AFMID: variants seen among roughly 807,000 people sequenced by gnomAD.
AFMID encodes kynurenine formamidase.
AFMID carries 39 observed loss-of-function variants against 47.5 expected under a neutral mutation model. The ratio of observed to expected loss-of-function variants is 0.82; its 90% CI spans 0.64 to 1.07. The LOEUF (loss-of-function observed/expected upper bound fraction) is 1.07, where lower values mean the gene tolerates loss of function less well. Among genes scored for constraint, AFMID ranks in the 50% least tolerant of loss-of-function variants. The pLI is 0.00. For synonymous variants in AFMID, 130 were observed against 153.2 expected (o/e 0.85, Z 1.12); for missense variants, 375 against 387.5 (o/e 0.97, Z 0.27).
Position 78,193,080 on chromosome 17 carries a change from A to G in AFMID, c.154+2020A>G, listed in dbSNP as rs75097222. On this transcript the variant is annotated intron_variant, in intron 2 of 10. Coordinates refer to ENST00000409257, the MANE Select transcript of AFMID (RefSeq NM_001010982.5). ...ACATGAGTGTGGTGAAACATACAAG[A>G]GCTGTAAGCAGCCAGGCGTGGTGGC... 9.2e-5 allele frequency among the ~76,000 whole-genome samples: 14 copies of G among 152,180 alleles called. No individual in the cohort carries two copies. In the East Asian group the frequency reaches 2.7e-3, roughly 29 times the overall value.
chr17:78,200,247 C>T (rs550681085), intron 2 of AFMID, among the ~76,000 whole-genome samples: 416 of 152,190 alleles, frequency 2.7e-3, no homozygotes, highest in African/African-American at 9.4e-3. Context: ...CCTCTGCCTC[C>T]GGGTTCAAGC....
intron 10 of AFMID, 81 bp from the exon 11 acceptor site, chr17:78,206,830 C>A: frequency 6.5e-7 from 1 of 1,528,138 alleles, no homozygotes; most frequent in Non-Finnish European, 9.1e-7. Flanking sequence ...CTGCATCCAG[C>A]CCTGTCTCAT....
rs767326366 is a variant in AFMID at position 78,204,635 on chromosome 17, C to T, written c.309-21C>T. The T allele has an allele frequency of 2.7e-5, 44 of 1,613,764 alleles. No individual in the cohort carries two copies. The East Asian group carries it at 9.6e-4, about 35-fold the overall frequency. On this transcript the variant is annotated intron_variant, in intron 4 of 10. Transcript: ENST00000409257. ...TAGTGGCCAAGCTGCCTCCAGCTGTCACATCTGTGTGTCTCTGCAGTAAGG... is the reference window on the plus strand; with the variant it reads ...TAGTGGCCAAGCTGCCTCCAGCTGTTACATCTGTGTGTCTCTGCAGTAAGG...
Position 78,206,044 on chromosome 17 carries a change from C to T in AFMID, c.879C>T (p.Leu293=), listed in dbSNP as rs746871737. The T allele has an allele frequency of 2.2e-5, 35 of 1,613,956 alleles. No homozygotes were observed. In the Middle Eastern group the frequency reaches 4.9e-4, roughly 23 times the overall value. The change falls in exon 10 of 11, where the codon CTC becomes CTT. Residue 293 remains leucine, a synonymous_variant. Transcript: ENST00000409257. ...ATCTGACCCAGAAGGACAACGTGCT[C>T]ACCCAGGTGGGGCCTCATCCCTGGC... is the stretch of plus-strand genomic sequence containing the variant. ...VENLTQKDNV[L]TQIILKTIFQ
At chr17:78,192,946 C>T (rs2076010508) in intron 2 of AFMID, among the ~76,000 whole-genome samples, 1 of 152,152 alleles carries the variant, frequency 6.6e-6, no homozygotes, top group South Asian at 2.1e-4. Flanking sequence ...TCCAGCAATT[C>T]CACCATCCTC....
At chr17:78,206,616 A>G (rs1433127994) in intron 10 of AFMID, among the ~76,000 whole-genome samples, 1 of 140,976 alleles carries the variant, frequency 7.1e-6, no homozygotes, top group African/African-American at 2.8e-5. Context: ...TATGTTCCCC[A>G]GGCTGGTCGT....
At chr17:78,200,146 T>G (rs913489328) in intron 2 of AFMID, among the ~76,000 whole-genome samples, 17 of 152,100 alleles carry the variant, frequency 1.1e-4, no homozygotes, top group South Asian at 8.3e-4. Flanking sequence ...GTGTGTTTTG[T>G]TTTGGTTTGG....
chr17:78,188,511 C>A (rs1210385091), intron 1 of AFMID, among the ~76,000 whole-genome samples: 2 of 152,182 alleles, frequency 1.3e-5, no homozygotes, highest in African/African-American at 4.8e-5. Context: ...CCTCTACCTC[C>A]CGGGTTCAAG....
rs1368803037 is a variant in AFMID at position 78,192,254 on chromosome 17, G to A, written c.154+1194G>A. Among the ~76,000 whole-genome samples the A allele has an allele frequency of 4.2e-5, 6 of 142,870 alleles. No homozygotes were observed. The South Asian group carries it at 6.6e-4, about 16-fold the overall frequency. 93.7% of individuals were successfully genotyped at this position (142,870 alleles called of 152,430 possible). A position where few individuals can be genotyped will look rare whatever the true frequency, so the allele number is the denominator to read the frequency against. On this transcript the variant is annotated intron_variant, in intron 2 of 10. Transcript: ENST00000409257. ...TTGAACTCCTGACCTCAGGTGATTCGCCCTCCTCGGCCTCCCAAAGTGCTA... is the reference window on the plus strand; with the variant it reads ...TTGAACTCCTGACCTCAGGTGATTCACCCTCCTCGGCCTCCCAAAGTGCTA...
chr17:78,187,770 G>A (rs1157642192), intron 1 of AFMID, among the ~76,000 whole-genome samples: 1 of 151,878 alleles, frequency 6.6e-6, no homozygotes, highest in Non-Finnish European at 1.5e-5. Flanking sequence ...TGGCCAACAT[G>A]GTGAAACCCC....
intron 2 of AFMID, chr17:78,192,762 G>T (rs2145850192): frequency 4.8e-6 from 2 of 415,020 alleles, no homozygotes; most frequent in Middle Eastern, 3.5e-4. Context: ...GGGATGGGGA[G>T]CAGGCCCCGA....
intron 10 of AFMID, among the ~76,000 whole-genome samples, chr17:78,206,303 C>T (rs1240590181): frequency 7.0e-6 from 1 of 141,996 alleles, no homozygotes; most frequent in Non-Finnish European, 1.5e-5. Flanking sequence ...TGCACCACTG[C>T]ACTCCGGCCT....
At position 78,202,520 on chromosome 17, in the gene AFMID, C is replaced by T; in HGVS notation, c.176C>T (p.Thr59Ile). 1.9e-6 allele frequency: 3 copies of T among 1,614,126 alleles called. No homozygotes were observed. The highest frequency in any genetic ancestry group is 1.7e-6 in the Non-Finnish European group (2 of 1,180,032). The change falls in exon 3 of 11, where the codon ACC (threonine) becomes ATC (isoleucine). Residue 59 changes from threonine (T) to isoleucine (I), a missense_variant. Coordinates refer to ENST00000409257, the MANE Select transcript of AFMID (RefSeq NM_001010982.5). ...ACAGCCACCACAAGGGCCCGGGCCA[C>T]CAGGAAGAGCCTGCTGCATGTCCCC... The part of the protein sequence containing the change: ...GIEATTRARA[T>I]RKSLLHVPYG...
intron 1 of AFMID, chr17:78,190,692 G>A (rs535992918): frequency 2.7e-5 from 10 of 364,816 alleles, no homozygotes; most frequent in African/African-American, 4.2e-5. Context: ...GGGCCACCTG[G>A]CCTCCCCTGG....
In AFMID at chr17:78,205,490, T is replaced by C; in HGVS notation, c.616T>C (p.Ser206Pro). 6.2e-7 allele frequency: 1 copy of C among 1,614,176 alleles called. No homozygotes were observed. Among genetic ancestry groups the C allele is most frequent in the Non-Finnish European group, 8.5e-7 (1 of 1,180,022 alleles). Reference sequence around the variant, plus strand: ...TGACCTGGAGCCCATCGTGTATACTTCACAGAACGTTGCTCTCCAGCTGAC... The same window carrying C: ...TGACCTGGAGCCCATCGTGTATACTCCACAGAACGTTGCTCTCCAGCTGAC... Reference protein sequence around the residue: ...VFDLEPIVYTSQNVALQLTLE... With the variant: ...VFDLEPIVYTPQNVALQLTLE... The change falls in exon 8 of 11, where the codon TCA (serine) becomes CCA (proline). Residue 206 changes from serine to proline, a missense_variant. Physicochemically the swap from Ser to Pro is moderately conservative, Grantham distance 74 (BLOSUM62 -1). Transcript: ENST00000409257.
chr17:78,194,629 G>A (rs188809056), intron 2 of AFMID, among the ~76,000 whole-genome samples: 3 of 152,116 alleles, frequency 2.0e-5, no homozygotes, highest in South Asian at 2.1e-4. Context: ...TGGCAGAGAG[G>A]GGGTTTAAGA....
At chr17:78,194,189 C>T (rs1221768873) in intron 2 of AFMID, among the ~76,000 whole-genome samples, 1 of 151,254 alleles carries the variant, frequency 6.6e-6, no homozygotes, top group Non-Finnish European at 1.5e-5. Flanking sequence ...TGGCTCATTG[C>T]AACCTCTGCC....
chr17:78,196,405 C>T (rs1049657438), intron 2 of AFMID, among the ~76,000 whole-genome samples: 3 of 152,008 alleles, frequency 2.0e-5, no homozygotes. Flanking sequence ...CAGCCAGGCA[C>T]AGAGGCTCAC....
intron 8 of AFMID, 41 bp downstream of exon 8, chr17:78,205,559 C>T (rs1269019395): frequency 6.2e-7 from 1 of 1,614,042 alleles, no homozygotes; most frequent in Admixed American, 1.7e-5. Flanking sequence ...TCACCAGGAG[C>T]CTGGCTCCTC....
Sources: gnomAD v4.1 joint callset for allele counts (sites outside exome capture counted in the v4.1 genomes callset) on GRCh38, gnomAD v4.1.1 for gene constraint, MANE v1.5 for transcripts, NCBI Gene and HGNC (gene_info 2026-07-23, HGNC 2026-07-21) for gene names.